SRSF12: variants seen among roughly 807,000 people sequenced by gnomAD.
SRSF12 encodes the protein serine and arginine rich splicing factor 12.
In SRSF12, 21 loss-of-function variants were observed where a neutral mutation model predicts 34.1. That is an observed-to-expected ratio of 0.62 (90% CI 0.44 to 0.89). The LOEUF (loss-of-function observed/expected upper bound fraction) is 0.89. Among genes scored for constraint, SRSF12 ranks in the 40% least tolerant of loss-of-function variants. SRSF12 has a pLI of 0.00. For synonymous variants in SRSF12, 111 were observed against 110.8 expected (o/e 1.00, Z -0.01); for missense variants, 278 against 327.8 (o/e 0.85, Z 1.17).
intron 4 of SRSF12, 91 bp from the exon 5 acceptor site, chr6:89,099,038 C>T: frequency 1.4e-6 from 2 of 1,408,030 alleles, no homozygotes; most frequent in Non-Finnish European, 1.9e-6. Context: ...CTTTACATAA[C>T]ATTAGTTATA....
At chr6:89,110,007 T>C (rs928453447) in intron 1 of SRSF12, among the ~76,000 whole-genome samples, 1 of 151,932 alleles carries the variant, frequency 6.6e-6, no homozygotes, top group African/African-American at 2.4e-5. Context: ...AGGAGAATGG[T>C]GTGAACCCAG....
At chr6:89,099,515 TACAC>T (rs59572395) in intron 4 of SRSF12, among the ~76,000 whole-genome samples, 3 of 133,102 alleles carry the variant, frequency 2.3e-5, no homozygotes, top group African/African-American at 5.9e-5. Context: ...TATATATATA[TACAC>T]ACACACACAC....
At chr6:89,114,490 T>C (rs534975143) in intron 1 of SRSF12, among the ~76,000 whole-genome samples, 2 of 152,230 alleles carry the variant, frequency 1.3e-5, no homozygotes, top group South Asian at 2.1e-4. Context: ...AAATTTAATA[T>C]ATGTAATGTT....
chr6:89,105,713 C>G (rs979596636), intron 2 of SRSF12, 183 bp from the exon 3 acceptor site: 2 of 404,360 alleles, frequency 4.9e-6, no homozygotes, highest in Non-Finnish European at 8.7e-6. Flanking sequence ...ACAAATGACC[C>G]ATTATGTTTA....
Position 89,098,354 on chromosome 6 carries a change from G to T in SRSF12, c.*224C>A. ...TCTGCCACAATGTAAATAAAAAATG[G>T]TCCATAAAATGGTGACATTAGACAA... On this transcript the variant is annotated 3_prime_UTR_variant, in exon 5 of 5. Transcript: ENST00000452027. 2.4e-6 allele frequency: 1 copy of T among 409,062 alleles called. No individual in the cohort carries two copies. Among genetic ancestry groups the T allele is most frequent in the South Asian group, 5.1e-5 (1 of 19,420 alleles). 25.3% of individuals were successfully genotyped at this position (409,062 alleles called of 1,614,324 possible). A position where few individuals can be genotyped will look rare whatever the true frequency, so the allele number is the denominator to read the frequency against.
rs1267864716 is a variant in SRSF12, at chr6:89,112,859, CT to C, written c.65+4963del. ...ACAAAGCTGTCCTAGACAGGTGTACCTTTTAAAAAATCTTTTACACCATATT... is the reference window on the plus strand; with the variant it reads ...ACAAAGCTGTCCTAGACAGGTGTACCTTTAAAAAATCTTTTACACCATATT... On this transcript the variant is annotated intron_variant, in intron 1 of 4. Transcript: ENST00000452027. 4.6e-5 allele frequency among the ~76,000 whole-genome samples: 7 copies of C among 152,178 alleles called. 1 individual carries two copies. The South Asian group carries it at 1.5e-3, about 32-fold the overall frequency.
intron 1 of SRSF12, among the ~76,000 whole-genome samples, chr6:89,110,983 G>A (rs1261963602): frequency 1.3e-5 from 2 of 152,080 alleles, no homozygotes; most frequent in South Asian, 2.1e-4. Context: ...GCTGGGCGTG[G>A]TGTCTATAAT....
At chr6:89,099,935 A>G (rs564912001) in intron 4 of SRSF12, among the ~76,000 whole-genome samples, 7 of 152,302 alleles carry the variant, frequency 4.6e-5, no homozygotes, top group Middle Eastern at 3.4e-3. Context: ...AGGGATTACA[A>G]GCCTTGGCTC....
chr6:89,115,415 T>G (rs1275821163), intron 1 of SRSF12, among the ~76,000 whole-genome samples: 1 of 151,986 alleles, frequency 6.6e-6, no homozygotes, highest in East Asian at 1.9e-4. Flanking sequence ...CCTGAGTAGC[T>G]GGGATTACAG....
chr6:89,099,430 G>GTA (rs1200975703), intron 4 of SRSF12, among the ~76,000 whole-genome samples: 1 of 127,120 alleles, frequency 7.9e-6, no homozygotes, highest in Admixed American at 7.7e-5. Flanking sequence ...ATATATGTGT[G>GTA]TATATATATA....
chr6:89,104,665 T>C (rs1485932532), intron 4 of SRSF12, among the ~76,000 whole-genome samples: 1 of 152,192 alleles, frequency 6.6e-6, no homozygotes, highest in Non-Finnish European at 1.5e-5. Context: ...TAACAATATA[T>C]GATAAATAGA....
Position 89,105,114 on chromosome 6 carries a change from C to T in SRSF12, c.416+5G>A. 6.2e-7 allele frequency: 1 copy of T among 1,604,446 alleles called. No homozygotes were observed. The highest frequency in any genetic ancestry group is 8.5e-7 in the Non-Finnish European group (1 of 1,174,762). On this transcript the variant is annotated splice_donor_5th_base_variant and intron_variant, in intron 4 of 4. Coordinates refer to ENST00000452027, the MANE Select transcript of SRSF12 (RefSeq NM_080743.5). ...AAATGAAATTTTCAGTCCTCTTATACTCACTCTTTAAGGCTGTCTGACCGC... is the reference window on the plus strand; with the variant it reads ...AAATGAAATTTTCAGTCCTCTTATATTCACTCTTTAAGGCTGTCTGACCGC...
intron 1 of SRSF12, among the ~76,000 whole-genome samples, chr6:89,115,992 A>G (rs1231486849): frequency 1.3e-5 from 2 of 152,244 alleles, no homozygotes. Context: ...GATTACACAT[A>G]CAAAATCCAG....
intron 1 of SRSF12, among the ~76,000 whole-genome samples, chr6:89,114,501 T>C (rs927983577): frequency 3.9e-5 from 6 of 152,222 alleles, no homozygotes; most frequent in African/African-American, 1.4e-4. Flanking sequence ...ATGTAATGTT[T>C]TTAGTATGGC....
Position 89,113,621 on chromosome 6 carries a change from T to A in SRSF12, c.65+4202A>T, listed in dbSNP as rs369765511. Among the ~76,000 whole-genome samples, 143 of 152,272 alleles carry A rather than the reference T, an allele frequency of 9.4e-4. 1 individual carries two copies. The highest frequency in any genetic ancestry group is 3.2e-3 in the African/African-American group (135 of 41,554). On this transcript the variant is annotated intron_variant, in intron 1 of 4. Transcript: ENST00000452027. ...ACCGTGCCAGGCCCCAAAGATTTTG[T>A]TTATAAGCATACTAAATGTTAAAGC...
At chr6:89,114,117 C>G (rs952397918) in intron 1 of SRSF12, among the ~76,000 whole-genome samples, 2 of 152,126 alleles carry the variant, frequency 1.3e-5, no homozygotes, top group African/African-American at 2.4e-5. Flanking sequence ...GATTTCTCAT[C>G]GGTAAAATGG....
intron 2 of SRSF12, 184 bp from the exon 3 acceptor site, chr6:89,105,714 A>T (rs900389822): frequency 2.5e-6 from 1 of 406,940 alleles, no homozygotes; most frequent in Non-Finnish European, 4.3e-6. Context: ...CAAATGACCC[A>T]TTATGTTTAG....
At chr6:89,101,222 A>G (rs1768526907) in intron 4 of SRSF12, among the ~76,000 whole-genome samples, 1 of 152,228 alleles carries the variant, frequency 6.6e-6, no homozygotes, top group South Asian at 2.1e-4. Context: ...AGAACACAGC[A>G]GATGTATAGC....
intron 1 of SRSF12, among the ~76,000 whole-genome samples, chr6:89,115,181 TTGACCTCCCGGGCTCAAG>T (rs1004124298): frequency 2.0e-4 from 31 of 152,106 alleles, no homozygotes; most frequent in African/African-American, 4.8e-4. Flanking sequence ...CACTGTAACC[TTGACCTCCCGGGCTCAAG>T]TGACCTCCCG....
Sources: allele counts gnomAD v4.1 joint callset (sites outside exome capture counted in the v4.1 genomes callset), GRCh38; gene constraint gnomAD v4.1.1; transcripts MANE v1.5; gene names NCBI Gene and HGNC (gene_info 2026-07-23, HGNC 2026-07-21).